YES1: variants seen among roughly 807,000 people sequenced by gnomAD.
YES1 encodes the protein tyrosine-protein kinase Yes.
Under a neutral mutation model 70.4 loss-of-function variants are expected in YES1, and 39 were observed. The observed-to-expected ratio is 0.55, with a 90% CI of 0.43 to 0.72. The LOEUF (loss-of-function observed/expected upper bound fraction) is 0.72. Among genes scored for constraint, YES1 ranks in the 30% least tolerant of loss-of-function variants. The pLI, the probability that YES1 is intolerant of heterozygous loss-of-function variation, is 0.00. For missense variants in YES1, 495 were observed against 644.8 expected (o/e 0.77, Z 2.52); for synonymous variants, 198 against 218.6 (o/e 0.91, Z 0.83).
chr18:742,459 TAA>T (rs59582095), intron 8 of YES1, among the ~76,000 whole-genome samples: 5 of 143,362 alleles, frequency 3.5e-5, no homozygotes, highest in Non-Finnish European at 4.6e-5. Context: ...AGTCTCTATT[TAA>T]AAAAAAAAAA....
intron 1 of YES1, among the ~76,000 whole-genome samples, chr18:783,277 G>A (rs1905768383): frequency 6.6e-6 from 1 of 152,016 alleles, no homozygotes; most frequent in Non-Finnish European, 1.5e-5. Context: ...CAAAGAGAAA[G>A]TTGAGAAAAT....
intron 1 of YES1, among the ~76,000 whole-genome samples, chr18:765,907 GT>G (rs1277235729): frequency 3.3e-5 from 5 of 152,286 alleles, no homozygotes; most frequent in South Asian, 4.2e-4. Context: ...ATTGCAGTAA[GT>G]TGAAGAATAA....
At chr18:744,369 T>C (rs1209389882) in intron 6 of YES1, among the ~76,000 whole-genome samples, 1 of 149,382 alleles carries the variant, frequency 6.7e-6, no homozygotes, top group East Asian at 2.0e-4. Context: ...AAAAAGTTCA[T>C]TTAGGATCAT....
rs919518739 is a variant in YES1, at chr18:764,903, T to G, written c.-8-8068A>C. 1.8e-4 allele frequency among the ~76,000 whole-genome samples: 27 copies of G among 151,616 alleles called. 1 individual carries two copies. The highest frequency in any genetic ancestry group is 1.5e-3 in the South Asian group (7 of 4,792). On this transcript the variant is annotated intron_variant, in intron 1 of 11. Transcript: ENST00000314574. ...GCACACCACCACACCCGGCTAATTT[T>G]TTGTGTATTTTTAGTAGAGACCGGG...
chr18:725,659 C>T (rs142616950), intron 11 of YES1, among the ~76,000 whole-genome samples: 1,930 of 151,638 alleles, frequency 0.013, 38 homozygotes, highest in African/African-American at 0.043. Flanking sequence ...GAGGCCAAGG[C>T]GGGTGATCAT....
chr18:780,919 T>C (rs1047851362), intron 1 of YES1, among the ~76,000 whole-genome samples: 2 of 152,212 alleles, frequency 1.3e-5, no homozygotes, highest in African/African-American at 4.8e-5. Context: ...TTATGAGCCT[T>C]TGATGGTCCA....
chr18:807,389 C>T (rs1907154662), intron 1 of YES1, among the ~76,000 whole-genome samples: 1 of 151,800 alleles, frequency 6.6e-6, no homozygotes, highest in Non-Finnish European at 1.5e-5. Flanking sequence ...GTCCGAGCTA[C>T]TCAGGAGGCT....
chr18:731,876 A>G (rs1485061314), intron 11 of YES1, among the ~76,000 whole-genome samples: 1 of 148,836 alleles, frequency 6.7e-6, no homozygotes, highest in Non-Finnish European at 1.5e-5. Context: ...CTGAGGCAGG[A>G]GAATGGCGTG....
At chr18:783,617 CTTTTT>C (rs71805434) in intron 1 of YES1, among the ~76,000 whole-genome samples, 2 of 143,222 alleles carry the variant, frequency 1.4e-5, no homozygotes, top group Admixed American at 6.9e-5. Flanking sequence ...CAATTTTTCT[CTTTTT>C]TTTTTTTTTT....
At chr18:740,874 T>C (rs1407087855) in intron 8 of YES1, among the ~76,000 whole-genome samples, 2 of 152,170 alleles carry the variant, frequency 1.3e-5, no homozygotes, top group Admixed American at 1.3e-4. Context: ...ATATTTCTTA[T>C]GTTCCAATAT....
chr18:784,549 C>T (rs189114248), intron 1 of YES1, among the ~76,000 whole-genome samples: 37 of 152,310 alleles, frequency 2.4e-4, no homozygotes, highest in Admixed American at 1.4e-3. Flanking sequence ...AGTCTGACGC[C>T]GGTGTCCCTG....
In YES1 at chr18:735,161, C is replaced by CAAAAAAAAAAAAAAAAAAAAAA. The variant is rs71174281; in HGVS notation, c.1291+1646_1291+1647insTTTTTTTTTTTTTTTTTTTTTT. ...AACAGATTGAGACTGTGTCTCAAAGCAAAAAAAAAAAAATCATTATATGAA... is the reference window on the plus strand; with the variant it reads ...AACAGATTGAGACTGTGTCTCAAAGCAAAAAAAAAAAAAAAAAAAAAAAAAAAAAAAAAAATCATTATATGAA... On this transcript the variant is annotated intron_variant, in intron 10 of 11. Coordinates refer to ENST00000314574, the MANE Select transcript of YES1 (RefSeq NM_005433.4). Among the ~76,000 whole-genome samples the CAAAAAAAAAAAAAAAAAAAAAA allele has an allele frequency of 1.3e-3, 142 of 110,608 alleles. 6 individuals are homozygous for CAAAAAAAAAAAAAAAAAAAAAA. The highest frequency in any genetic ancestry group is 5.4e-3 in the East Asian group (16 of 2,988). The allele number at this position is 110,608 out of a possible 152,430, so 72.6% of individuals were successfully genotyped here.
In YES1 at chr18:739,723, A is replaced by G. The variant is rs777502618; in HGVS notation, c.1137+12T>C. 3 of 1,595,100 alleles carry G rather than the reference A, an allele frequency of 1.9e-6. No individual in the cohort carries two copies. Among genetic ancestry groups the G allele is most frequent in the African/African-American group, 1.3e-5 (1 of 74,486 alleles). On this transcript the variant is annotated intron_variant, in intron 9 of 11. Transcript: ENST00000314574. The stretch of plus-strand genomic sequence containing the variant: ...TTTTAATTCAAATGGATACATGTAT[A>G]TATACAGATACCTGAGCAGCCATAT...
intron 1 of YES1, among the ~76,000 whole-genome samples, chr18:793,063 CAG>C (rs113297374): frequency 0.087 from 12,431 of 142,276 alleles, 682 homozygotes; most frequent in Middle Eastern, 0.12. Flanking sequence ...TTTTTTGAGA[CAG>C]AGTCTCACTG....
Position 742,249 on chromosome 18 carries a change from T to C in YES1, c.1060+669A>G, listed in dbSNP as rs1459357802. ...AAGAGTATCAATCTTCTCTTTATCC[T>C]CCCCCTAACTAACCCTGTTACTGAA... On this transcript the variant is annotated intron_variant, in intron 8 of 11. Transcript: ENST00000314574. Among the ~76,000 whole-genome samples, 6 of 152,090 alleles carry C rather than the reference T, an allele frequency of 3.9e-5. No homozygotes were observed. In the East Asian group the frequency reaches 9.6e-4, roughly 24 times the overall value.
chr18:775,157 T>A (rs1156333116), intron 1 of YES1: 1 of 152,178 alleles, frequency 6.6e-6, no homozygotes, highest in Non-Finnish European at 1.5e-5. Context: ...GAAGATTAAA[T>A]GAGTAAATAT....
rs898411599 is a variant in YES1, at chr18:721,779, A to G, written c.*2645T>C. 2.0e-5 allele frequency: 3 copies of G among 152,512 alleles called. No homozygotes were observed. The highest frequency in any genetic ancestry group is 6.5e-5 in the Admixed American group (1 of 15,288). The allele number at this position is 152,512 out of a possible 1,614,324, so 9.4% of individuals were successfully genotyped here. A position where few individuals can be genotyped will look rare whatever the true frequency, so the allele number is the denominator to read the frequency against. ...TCAATGAGAACTTTTTATTTCAATT[A>G]TCCACAAAACAATATTACAATACTT... On this transcript the variant is annotated 3_prime_UTR_variant, in exon 12 of 12. Transcript: ENST00000314574.
intron 1 of YES1, among the ~76,000 whole-genome samples, chr18:773,093 T>C (rs1269883038): frequency 6.6e-6 from 1 of 152,252 alleles, no homozygotes; most frequent in East Asian, 1.9e-4. Flanking sequence ...TAGATTGATC[T>C]TGCTTTAATA....
chr18:728,704 T>C (rs1222259063), intron 11 of YES1, among the ~76,000 whole-genome samples: 5 of 152,278 alleles, frequency 3.3e-5, no homozygotes, highest in Middle Eastern at 3.4e-3. Context: ...TTTTGTATTT[T>C]TAGTAGAGAT....
Sources: gnomAD v4.1 joint callset for allele counts (sites outside exome capture counted in the v4.1 genomes callset) on GRCh38, gnomAD v4.1.1 for gene constraint, MANE v1.5 for transcripts, NCBI Gene and HGNC (gene_info 2026-07-23, HGNC 2026-07-21) for gene names.